The following SELP variants were observed in gnomAD, a reference collection of about 807,000 sequenced individuals.
SELP encodes the protein P-selectin.
In SELP, 92 loss-of-function variants were observed where a neutral mutation model predicts 104.1. The observed-to-expected ratio is 0.88, with a 90% CI of 0.75 to 1.05. The LOEUF (loss-of-function observed/expected upper bound fraction) is 1.05, where lower values mean the gene tolerates loss of function less well. Ranked by LOEUF, SELP falls within the 50% of genes least tolerant of loss-of-function variation. SELP has a pLI of 0.00. For missense variants in SELP, 1,022 were observed against 1,017.3 expected (o/e 1.00, Z -0.06); for synonymous variants, 397 against 364.5 (o/e 1.09, Z -1.01).
At chr1:169,608,388 C>T (rs540429208) in intron 8 of SELP, among the ~76,000 whole-genome samples, 1 of 152,250 alleles carries the variant, frequency 6.6e-6, no homozygotes, top group Admixed American at 6.5e-5. Flanking sequence ...GAGCCCTTGG[C>T]AACCTCCGTT....
chr1:169,623,205 CAGA>C (rs2101929105), intron 1 of SELP, among the ~76,000 whole-genome samples: 1 of 152,164 alleles, frequency 6.6e-6, no homozygotes, highest in South Asian at 2.1e-4. Flanking sequence ...AGACAGATTG[CAGA>C]AGGAGTGCAA....
At position 169,611,509 on chromosome 1, in the gene SELP, G is replaced by A; in HGVS notation, c.1130C>T (p.Pro377Leu). The A allele has an allele frequency of 6.2e-7, 1 of 1,613,924 alleles. No individual in the cohort carries two copies. The highest frequency in any genetic ancestry group is 1.1e-5 in the South Asian group (1 of 91,080). Residue 377 changes from proline (P) to leucine (L), a missense_variant, in exon 7 of 17, where the codon CCC becomes CTC. Coordinates refer to ENST00000263686, the MANE Select transcript of SELP (RefSeq NM_003005.4). ...RCIDSGHWSA[P>L]LPTCEAISCE... Reference sequence around the variant, plus strand: ...AATCCTACCCTCACAGGTTGGCAAGGGTGCAGACCAGTGTCCAGAGTCAAT... The same window carrying A: ...AATCCTACCCTCACAGGTTGGCAAGAGTGCAGACCAGTGTCCAGAGTCAAT...
At chr1:169,600,386 G>T (rs188851729) in intron 10 of SELP, among the ~76,000 whole-genome samples, 1 of 152,290 alleles carries the variant, frequency 6.6e-6, no homozygotes, top group Admixed American at 6.5e-5. Context: ...AATGTATGTA[G>T]GTTATATGCA....
At chr1:169,628,142 C>T (rs867203536) in intron 1 of SELP, among the ~76,000 whole-genome samples, 6 of 152,184 alleles carry the variant, frequency 3.9e-5, no homozygotes, top group East Asian at 1.9e-4. Flanking sequence ...GTGATCTATG[C>T]GCCTCGGCCT....
chr1:169,606,758 A>G (rs1441065739), intron 9 of SELP, among the ~76,000 whole-genome samples, 191 bp downstream of exon 9: 1 of 152,168 alleles, frequency 6.6e-6, no homozygotes, highest in Non-Finnish European at 1.5e-5. Flanking sequence ...CACTTGTGTA[A>G]TCTGCCTATC....
intron 15 of SELP, among the ~76,000 whole-genome samples, chr1:169,590,816 T>C (rs3917845): frequency 0.011 from 1,461 of 135,526 alleles, 20 homozygotes; most frequent in African/African-American, 0.034. Flanking sequence ...AGATTATAAA[T>C]AGCAAGGGGT....
chr1:169,614,039 T>C (rs1662688642), intron 3 of SELP, among the ~76,000 whole-genome samples: 1 of 152,184 alleles, frequency 6.6e-6, no homozygotes, highest in Non-Finnish European at 1.5e-5. Flanking sequence ...AGCATTGTTT[T>C]ATTATGGAAG....
rs112018088 is a variant in SELP at position 169,603,108 on chromosome 1, G to C, written c.1623C>G (p.Asp541Glu). Residue 541 changes from aspartate to glutamate, a missense_variant, in exon 10 of 17, where the codon GAC (aspartate) becomes GAG (glutamate). Physicochemically the swap from Asp to Glu is conservative, Grantham distance 45. Coordinates refer to ENST00000263686, the MANE Select transcript of SELP (RefSeq NM_003005.4). ...SYKSTCQFIC[D>E]EGYSLSGPER... ...CTGGTCCAGACAAAGAATATCCCTC[G>C]TCACAGATGAATTGACATGTGGATT... 1 of 1,613,924 alleles carries C rather than the reference G, an allele frequency of 6.2e-7. No individual in the cohort carries two copies. The highest frequency in any genetic ancestry group is 1.7e-5 in the Admixed American group (1 of 59,986).
intron 14 of SELP, chr1:169,591,696 TA>T (rs1430746266): frequency 3.0e-6 from 1 of 329,756 alleles, no homozygotes; most frequent in Non-Finnish European, 5.5e-6. Flanking sequence ...TTCCTTTCAG[TA>T]AATACATAAA....
intron 1 of SELP, 77 bp from the exon 2 acceptor site, chr1:169,619,296 CATT>C: frequency 9.3e-7 from 1 of 1,069,980 alleles, no homozygotes. Context: ...AGTTAACAAT[CATT>C]ATGTTGAAGT....
At chr1:169,597,741 AC>A (rs1661700819) in intron 10 of SELP, among the ~76,000 whole-genome samples, 1 of 149,526 alleles carries the variant, frequency 6.7e-6, no homozygotes, top group Non-Finnish European at 1.5e-5. Context: ...AAAACTCAAA[AC>A]CTCCTGGTCA....
Position 169,591,458 on chromosome 1 carries a change from TAA to T in SELP, c.2408-4_2408-3del. 1 of 1,556,884 alleles carries T rather than the reference TAA, an allele frequency of 6.4e-7. No individual in the cohort carries two copies. The highest frequency in any genetic ancestry group is 8.7e-7 in the Non-Finnish European group (1 of 1,148,344). On this transcript the variant is annotated splice_region_variant and splice_polypyrimidine_tract_variant and intron_variant, in intron 14 of 16. Transcript: ENST00000263686. The stretch of plus-strand genomic sequence containing the variant: ...GATTCAAGGGGCATTTCCCATCATC[TAA>T]AATCAGCAAGAAGACAAGAATGAAT...
rs1661524028 is a variant in SELP, at chr1:169,594,849, A to G, written c.2130T>C (p.Asn710=). The change falls in exon 13 of 17, where the codon AAT becomes AAC. Residue 710 remains asparagine (N), a synonymous_variant. Coordinates refer to ENST00000263686, the MANE Select transcript of SELP (RefSeq NM_003005.4). Reference sequence around the variant, plus strand: ...TGGAGCAGTTCATCGCTATTGGCTTATTAACATGTAGTTCTGAGCATTTCA... The same window carrying G: ...TGGAGCAGTTCATCGCTATTGGCTTGTTAACATGTAGTTCTGAGCATTTCA... ...RAVKCSELHV[N]KPIAMNCSNL... is the part of the protein sequence containing the mutation. 1 of 1,613,498 alleles carries G rather than the reference A, an allele frequency of 6.2e-7. No individual in the cohort carries two copies. The highest frequency in any genetic ancestry group is 8.5e-7 in the Non-Finnish European group (1 of 1,179,708).
chr1:169,607,020 A>G lies in SELP; in HGVS notation c.1448T>C (p.Leu483Pro). ...VCSFTCNEGLLLVGASVLQCL... is the reference protein window; with the variant it reads ...VCSFTCNEGLPLVGASVLQCL... ...CTGTAGCACACTTGCTCCCACCAGG[A>G]GCAAGCCTTCATTGCAGGTGAAGCT... The change falls in exon 9 of 17, where the codon CTC becomes CCC. Residue 483 changes from leucine to proline, a missense_variant. By Grantham distance (98) the Leu-to-Pro change is moderately conservative. Coordinates refer to ENST00000263686, the MANE Select transcript of SELP (RefSeq NM_003005.4). 6.2e-7 allele frequency: 1 copy of G among 1,613,864 alleles called. No homozygotes were observed. Among genetic ancestry groups the G allele is most frequent in the Non-Finnish European group, 8.5e-7 (1 of 1,179,816 alleles).
chr1:169,613,150 G>A (rs370618366), intron 4 of SELP, 36 bp from the exon 5 acceptor site: 97 of 1,536,842 alleles, frequency 6.3e-5, no homozygotes, highest in Non-Finnish European at 8.3e-5. Context: ...TATTTTCCAT[G>A]TAGAATTAAC....
At chr1:169,598,818 A>C (rs190369168) in intron 10 of SELP, among the ~76,000 whole-genome samples, 2 of 152,334 alleles carry the variant, frequency 1.3e-5, no homozygotes, top group Admixed American at 1.3e-4. Context: ...TTATGAATTG[A>C]ATGAATACAG....
chr1:169,597,211 A>G (rs752348338), intron 10 of SELP, 35 bp from the exon 11 acceptor site: 1 of 1,514,042 alleles, frequency 6.6e-7, no homozygotes, highest in African/African-American at 1.4e-5. Flanking sequence ...ACAATCTCCA[A>G]GTTTATTCAG....
Position 169,609,540 on chromosome 1 carries a change from A to G in SELP, c.1297T>C (p.Leu433=), listed in dbSNP as rs1662384287. ...RGADIVRCDN[L]GQWTAPAPVC... ...GGGGCTGGTGCTGTCCACTGTCCCA[A>G]GTTATCACACCGAACTATATCGGCT... The change falls in exon 8 of 17, where the codon TTG becomes CTG. Residue 433 remains leucine, a synonymous_variant. Transcript: ENST00000263686. The G allele has an allele frequency of 1.2e-6, 2 of 1,613,942 alleles. No homozygotes were observed. The highest frequency in any genetic ancestry group is 2.2e-5 in the East Asian group (1 of 44,874).
In SELP at chr1:169,609,583, T is replaced by G. The variant is rs1662389525; in HGVS notation, c.1254A>C (p.Glu418Asp). Reference protein sequence around the residue: ...YDTNCSFRCAEGFMLRGADIV... With the variant: ...YDTNCSFRCADGFMLRGADIV... ...TATCGGCTCCTCTCAGCATGAAACC[T>G]TCAGCACAGCGGAAGCTACAGTTGG... Residue 418 changes from glutamate to aspartate, a missense_variant, in exon 8 of 17, where the codon GAA (glutamate) becomes GAC (aspartate). Coordinates refer to ENST00000263686, the MANE Select transcript of SELP (RefSeq NM_003005.4). 1 of 1,613,958 alleles carries G rather than the reference T, an allele frequency of 6.2e-7. No homozygotes were observed. The highest frequency in any genetic ancestry group is 1.7e-5 in the Admixed American group (1 of 59,986).
Sources: allele counts gnomAD v4.1 joint callset (sites outside exome capture counted in the v4.1 genomes callset), GRCh38; gene constraint gnomAD v4.1.1; transcripts MANE v1.5; gene names NCBI Gene and HGNC (gene_info 2026-07-23, HGNC 2026-07-21).